Variants in STK10 observed in about 807,000 individuals in gnomAD.
STK10 encodes serine/threonine kinase 10.
Under a neutral mutation model 113.8 loss-of-function variants are expected in STK10, and 78 were observed. That is an observed-to-expected ratio of 0.69 (90% CI 0.57 to 0.83). STK10 has a LOEUF of 0.83. STK10 is among the 40% of genes least tolerant of loss of function. The pLI is 0.00. For synonymous variants in STK10, 465 were observed against 494.7 expected (o/e 0.94, Z 0.80); for missense variants, 1,109 against 1,280.1 (o/e 0.87, Z 2.04).
chr5:172,119,719 C>G lies in STK10; in HGVS notation c.371-2089G>C, dbSNP rs181872377. On this transcript the variant is annotated intron_variant, in intron 3 of 18. Transcript: ENST00000176763. ...CTCTACTAAAAATACAAAAAATTAG[C>G]CGGGCGTAGTGGCGGGCGCCTGTAG... 2.1e-3 allele frequency among the ~76,000 whole-genome samples: 306 copies of G among 146,160 alleles called. 16 individuals are homozygous for G. The East Asian group carries it at 0.049, about 23-fold the overall frequency.
At chr5:172,103,746 CT>C (rs1186604110) in intron 7 of STK10, among the ~76,000 whole-genome samples, 1 of 152,054 alleles carries the variant, frequency 6.6e-6, no homozygotes, top group African/African-American at 2.4e-5. Context: ...CATTCTGGTT[CT>C]TTTCATTTTT....
chr5:172,150,838 A>G lies in STK10; in HGVS notation c.321+5786T>C, dbSNP rs1016003576. On this transcript the variant is annotated intron_variant, in intron 2 of 18. Transcript: ENST00000176763. ...TTGAGGCAAGAAGCCACACTGAGAA[A>G]GGCCCACAGTCACTCCTTCAGGGAG... Among the ~76,000 whole-genome samples the G allele has an allele frequency of 4.6e-5, 7 of 152,320 alleles. No individual in the cohort carries two copies. In the East Asian group the frequency reaches 1.4e-3, roughly 29 times the overall value.
rs1019736567 is a variant in STK10 at position 172,133,070 on chromosome 5, G to A, written c.322-5649C>T. ...AGCAGAGGTGGGGCAGCAGGGAAAA[G>A]CGTGGAAGCGGGTAATGGCGGAGCA... On this transcript the variant is annotated intron_variant, in intron 2 of 18. Coordinates refer to ENST00000176763, the MANE Select transcript of STK10 (RefSeq NM_005990.4). This position sits in a 1 kb window ranked among gnomAD's most constrained non-coding sequence, Gnocchi z 4.9. Among the ~76,000 whole-genome samples the A allele has an allele frequency of 6.6e-6, 1 of 152,358 alleles. No individual in the cohort carries two copies. Among genetic ancestry groups the A allele is most frequent in the Non-Finnish European group, 1.5e-5 (1 of 68,036 alleles).
rs62641682 is a variant in STK10 at position 172,127,386 on chromosome 5, G to A, written c.357C>T (p.Asp119=). 1.2e-5 allele frequency: 19 copies of A among 1,613,742 alleles called. No individual in the cohort carries two copies. Among genetic ancestry groups the A allele is most frequent in the African/African-American group, 1.1e-4 (8 of 74,896 alleles). Residue 119 remains aspartate (D), a synonymous_variant, in exon 3 of 19, where the codon GAC becomes GAT. Coordinates refer to ENST00000176763, the MANE Select transcript of STK10 (RefSeq NM_005990.4). ...MIEFCPGGAV[D]AIMLELDRGL... is the part of the protein sequence containing the mutation. ...AGTAAGACTCACCCAGCATGATGGC[G>A]TCCACGGCTCCCCCTGGACAGAACT...
chr5:172,086,829 C>T (rs975982505), intron 10 of STK10, among the ~76,000 whole-genome samples: 2 of 152,210 alleles, frequency 1.3e-5, no homozygotes, highest in African/African-American at 4.8e-5. Context: ...TCCTCGAGGT[C>T]TCCCCTTTTG....
chr5:172,049,968 A>T (rs1767592246), intron 18 of STK10, among the ~76,000 whole-genome samples: 1 of 152,012 alleles, frequency 6.6e-6, no homozygotes, highest in Non-Finnish European at 1.5e-5. Context: ...ATGTCTGGCT[A>T]ATTTTTGTAT....
chr5:172,108,987 G>A (rs563510934), intron 4 of STK10, among the ~76,000 whole-genome samples: 8 of 152,166 alleles, frequency 5.3e-5, no homozygotes, highest in South Asian at 2.1e-4. Context: ...GTTTCACCAC[G>A]TTGCCCAGGC....
intron 9 of STK10, chr5:172,092,344 A>G (rs1339226527): frequency 6.6e-6 from 1 of 152,242 alleles, no homozygotes; most frequent in Non-Finnish European, 1.5e-5. Context: ...AGTCAACCAG[A>G]AACATTCTCC....
At chr5:172,058,886 T>C (rs548772805) in intron 14 of STK10, among the ~76,000 whole-genome samples, 44 of 150,586 alleles carry the variant, frequency 2.9e-4, no homozygotes, top group African/African-American at 9.5e-4. Context: ...TAAGACTTGG[T>C]CTCAAAAAAC....
Position 172,044,774 on chromosome 5 carries a change from C to T in STK10, c.*108G>A, listed in dbSNP as rs756879919. The T allele has an allele frequency of 5.1e-6, 8 of 1,576,006 alleles. No homozygotes were observed. The highest frequency in any genetic ancestry group is 4.5e-5 in the South Asian group (4 of 89,670). ...CACAGGGCGAGGGGCTGGATTTGAG[C>T]TGGCACAGACGCAAGAGGGAAAAGG... On this transcript the variant is annotated 3_prime_UTR_variant, in exon 19 of 19. Coordinates refer to ENST00000176763, the MANE Select transcript of STK10 (RefSeq NM_005990.4). This position sits in a 1 kb window ranked among gnomAD's most constrained non-coding sequence, Gnocchi z 4.5.
chr5:172,061,122 C>A lies in STK10; in HGVS notation c.2212+17G>T. The A allele has an allele frequency of 6.2e-7, 1 of 1,600,842 alleles. No homozygotes were observed. Among genetic ancestry groups the A allele is most frequent in the Non-Finnish European group, 8.5e-7 (1 of 1,174,848 alleles). ...CGACTCTGGGCCAAGACAGCGCTGCCACTTGCACACCCCCACCTCGAAGGA... is the reference window on the plus strand; with the variant it reads ...CGACTCTGGGCCAAGACAGCGCTGCAACTTGCACACCCCCACCTCGAAGGA... On this transcript the variant is annotated intron_variant, in intron 14 of 18. Coordinates refer to ENST00000176763, the MANE Select transcript of STK10 (RefSeq NM_005990.4).
At chr5:172,171,540 T>C (rs986110144) in intron 1 of STK10, among the ~76,000 whole-genome samples, 17 of 151,720 alleles carry the variant, frequency 1.1e-4, no homozygotes, top group African/African-American at 4.1e-4. Flanking sequence ...AGAGTGAAAC[T>C]CCATCTCTAC....
At position 172,082,503 on chromosome 5, in the gene STK10, G is replaced by C; in HGVS notation, c.1812C>G (p.Ala604=). ...MHKRFEQEIN[A]KKKFFDTELE... ...ATTCCGTGTCAAAGAACTTCTTCTTGGCCTGAAAGGAGCAGAAATTCTGAG... is the reference window on the plus strand; with the variant it reads ...ATTCCGTGTCAAAGAACTTCTTCTTCGCCTGAAAGGAGCAGAAATTCTGAG... Residue 604 remains alanine (A), a splice_region_variant and synonymous_variant, in exon 12 of 19, where the codon GCC becomes GCG. Coordinates refer to ENST00000176763, the MANE Select transcript of STK10 (RefSeq NM_005990.4). This position sits in a 1 kb window ranked among gnomAD's most constrained non-coding sequence, Gnocchi z 4.3. 1 of 1,577,986 alleles carries C rather than the reference G, an allele frequency of 6.3e-7. No individual in the cohort carries two copies. Among genetic ancestry groups the C allele is most frequent in the Non-Finnish European group, 8.6e-7 (1 of 1,165,924 alleles).
intron 2 of STK10, among the ~76,000 whole-genome samples, chr5:172,128,119 G>A (rs951966824): frequency 1.3e-5 from 2 of 151,714 alleles, no homozygotes; most frequent in African/African-American, 4.8e-5. Flanking sequence ...GCCTAGTGGA[G>A]GGGCAGAAAG....
intron 12 of STK10, among the ~76,000 whole-genome samples, chr5:172,071,150 A>C (rs1175591268): frequency 7.2e-6 from 1 of 138,650 alleles, no homozygotes; most frequent in East Asian, 2.2e-4. Context: ...CAGAGGTTGC[A>C]GTGAGCTGAG....
At chr5:172,162,481 T>A (rs1770491343) in intron 1 of STK10, among the ~76,000 whole-genome samples, 1 of 152,220 alleles carries the variant, frequency 6.6e-6, no homozygotes, top group Non-Finnish European at 1.5e-5. Context: ...TAACTGATTG[T>A]GTCCCTGCCT....
chr5:172,063,758 C>T (rs1383894950), intron 13 of STK10, among the ~76,000 whole-genome samples: 2 of 152,192 alleles, frequency 1.3e-5, no homozygotes, highest in Non-Finnish European at 2.9e-5. Context: ...CCTCTCTCAG[C>T]CTTTGTTTCC....
At chr5:172,158,686 C>T (rs997244082) in intron 1 of STK10, among the ~76,000 whole-genome samples, 1 of 152,086 alleles carries the variant, frequency 6.6e-6, no homozygotes, top group Non-Finnish European at 1.5e-5. Flanking sequence ...TATCCACACA[C>T]TAAAATATTC....
intron 2 of STK10, among the ~76,000 whole-genome samples, chr5:172,150,047 C>CAAAAAAAAA (rs35745235): frequency 1.1e-5 from 1 of 87,094 alleles, no homozygotes; most frequent in East Asian, 3.2e-4. Context: ...AACTTTGTCT[C>CAAAAAAAAA]AAAAAAAAAA....
Sources: gnomAD v4.1 joint callset for allele counts (sites outside exome capture counted in the v4.1 genomes callset) on GRCh38, gnomAD v4.1.1 for gene constraint, Gnocchi (gnomAD v3.1) non-coding constraint, MANE v1.5 for transcripts, NCBI Gene and HGNC (gene_info 2026-07-23, HGNC 2026-07-21) for gene names.